The following PLEKHH1 variants were observed in gnomAD, a reference collection of about 807,000 sequenced individuals.
PLEKHH1 encodes pleckstrin homology, MyTH4 and FERM domain containing H1.
Under a neutral mutation model 160.0 loss-of-function variants are expected in PLEKHH1, and 104 were observed. The observed-to-expected ratio is 0.65, with a 90% CI of 0.55 to 0.76. The LOEUF is 0.76. Ranked by LOEUF, PLEKHH1 falls within the 30% of genes least tolerant of loss-of-function variation. The probability of loss-of-function intolerance (pLI) is 0.00; values close to 1 mark genes in which losing one functional copy is unlikely to be tolerated. For synonymous variants in PLEKHH1, 619 were observed against 678.4 expected (o/e 0.91, Z 1.36); for missense variants, 1,427 against 1,724.1 (o/e 0.83, Z 3.05).
chr14:67,557,473 G>C (rs2034642322), intron 4 of PLEKHH1, 55 bp downstream of exon 4: 4 of 1,553,998 alleles, frequency 2.6e-6, no homozygotes, highest in Middle Eastern at 2.3e-4. Context: ...TGTACTGCTG[G>C]CCCCCAGCTT....
chr14:67,545,699 C>T (rs2034149831), intron 2 of PLEKHH1, among the ~76,000 whole-genome samples: 1 of 152,146 alleles, frequency 6.6e-6, no homozygotes, highest in Non-Finnish European at 1.5e-5. Flanking sequence ...TGTATTTGTA[C>T]AGTGGAATAC....
intron 7 of PLEKHH1, among the ~76,000 whole-genome samples, chr14:67,568,871 G>C (rs78155172): frequency 6.6e-6 from 1 of 152,218 alleles, no homozygotes; most frequent in South Asian, 2.1e-4. Flanking sequence ...GAACTGTTGG[G>C]CACTGATTAT....
intron 7 of PLEKHH1, among the ~76,000 whole-genome samples, chr14:67,568,843 G>A (rs904190768): frequency 6.6e-6 from 1 of 152,154 alleles, no homozygotes; most frequent in Non-Finnish European, 1.5e-5. Flanking sequence ...CAAAGGTGAA[G>A]GGTGGAGGCA....
chr14:67,574,204 C>T lies in PLEKHH1; in HGVS notation c.1927-38C>T. On this transcript the variant is annotated intron_variant, in intron 13 of 28. Transcript: ENST00000329153. The surrounding 1 kb of genome is among the most constrained non-coding windows in gnomAD (Gnocchi z 4.2). ...CCAGGTCCTGGTTACTCCATTCTCCCAGCGTGCTGCCCCACCCCCATATCT... is the reference window on the plus strand; with the variant it reads ...CCAGGTCCTGGTTACTCCATTCTCCTAGCGTGCTGCCCCACCCCCATATCT... 1 of 1,533,082 alleles carries T rather than the reference C, an allele frequency of 6.5e-7. No homozygotes were observed. The highest frequency in any genetic ancestry group is 8.8e-7 in the Non-Finnish European group (1 of 1,137,644). The allele number at this position is 1,533,082 out of a possible 1,614,324, so 95.0% of individuals were successfully genotyped here.
In PLEKHH1 at chr14:67,588,043, C is replaced by A. The variant is rs2036247645; in HGVS notation, c.*808C>A. The A allele has an allele frequency of 6.6e-6, 1 of 152,562 alleles. No individual in the cohort carries two copies. The highest frequency in any genetic ancestry group is 2.4e-5 in the African/African-American group (1 of 41,426). 9.5% of individuals were successfully genotyped at this position (152,562 alleles called of 1,614,324 possible). A position where few individuals can be genotyped will look rare whatever the true frequency, so the allele number is the denominator to read the frequency against. On this transcript the variant is annotated 3_prime_UTR_variant, in exon 29 of 29. Coordinates refer to ENST00000329153, the MANE Select transcript of PLEKHH1 (RefSeq NM_020715.3). ...GAAAAAAGAATAGACTCATTTTTCC[C>A]CATTATTGGTATGTAGGCATTGGTA...
intron 8 of PLEKHH1, 199 bp from the exon 9 acceptor site, chr14:67,569,722 G>A (rs2035280165): frequency 1.7e-6 from 1 of 597,976 alleles, no homozygotes; most frequent in Non-Finnish European, 3.0e-6. Context: ...ATTCTTTTGT[G>A]AGGGATCCTT....
chr14:67,541,184 G>T (rs1218992886), intron 1 of PLEKHH1, among the ~76,000 whole-genome samples: 2 of 152,142 alleles, frequency 1.3e-5, no homozygotes, highest in East Asian at 3.8e-4. Flanking sequence ...ATTATATTTT[G>T]TTTCCATTTT....
rs1404393677 is a variant in PLEKHH1 at position 67,546,494 on chromosome 14, G to A, written c.126+4501G>A. On this transcript the variant is annotated intron_variant, in intron 2 of 28. Coordinates refer to ENST00000329153, the MANE Select transcript of PLEKHH1 (RefSeq NM_020715.3). ...CAACCTCCCCATCCTGGGTTCAAGCGATTCTCCTGCCTTAGCCTCCCGAGT... is the reference window on the plus strand; with the variant it reads ...CAACCTCCCCATCCTGGGTTCAAGCAATTCTCCTGCCTTAGCCTCCCGAGT... Among the ~76,000 whole-genome samples, 5 of 152,134 alleles carry A rather than the reference G, an allele frequency of 3.3e-5. No homozygotes were observed. The East Asian group carries it at 9.6e-4, about 29-fold the overall frequency.
At chr14:67,546,596 G>T (rs2034190231) in intron 2 of PLEKHH1, among the ~76,000 whole-genome samples, 1 of 152,174 alleles carries the variant, frequency 6.6e-6, no homozygotes, top group East Asian at 1.9e-4. Context: ...CTCCATTTTG[G>T]TCAGGCTGGT....
At chr14:67,542,520 C>A (rs531097384) in intron 2 of PLEKHH1, among the ~76,000 whole-genome samples, 1 of 152,212 alleles carries the variant, frequency 6.6e-6, no homozygotes, top group African/African-American at 2.4e-5. Context: ...ATGTCTACTT[C>A]TAAGAGTTAT....
chr14:67,542,227 T>A (rs1356505272), intron 2 of PLEKHH1, among the ~76,000 whole-genome samples: 1 of 152,224 alleles, frequency 6.6e-6, no homozygotes, highest in East Asian at 1.9e-4. Flanking sequence ...CTGCCAATCT[T>A]CTCGGTCCCC....
intron 5 of PLEKHH1, 29 bp from the exon 6 acceptor site, chr14:67,561,924 TC>T: frequency 6.7e-7 from 1 of 1,481,822 alleles, no homozygotes; most frequent in South Asian, 1.1e-5. Context: ...AGGCTGGGTG[TC>T]CTAAATCTTC....
intron 9 of PLEKHH1, 23 bp downstream of exon 9, chr14:67,570,035 G>C (rs762844377): frequency 6.8e-7 from 1 of 1,474,006 alleles, no homozygotes; most frequent in East Asian, 2.3e-5. Flanking sequence ...TGCACAAAGA[G>C]GGGGTGTCTC....
rs758205210 is a variant in PLEKHH1 at position 67,582,297 on chromosome 14, C to A, written c.3426+87C>A. 3.8e-6 allele frequency: 6 copies of A among 1,596,720 alleles called. No homozygotes were observed. In the African/African-American group the frequency reaches 8.0e-5, roughly 21 times the overall value. On this transcript the variant is annotated intron_variant, in intron 24 of 28. Transcript: ENST00000329153. The surrounding 1 kb of genome is among the most constrained non-coding windows in gnomAD (Gnocchi z 5.0). ...AGCCTGAAACACAGGAGAGATTCTG[C>A]AGATCCTGTGGTGCTCAGGAGAGGG...
Position 67,582,126 on chromosome 14 carries a change from C to G in PLEKHH1, c.3342C>G (p.Ala1114=). 6.2e-7 allele frequency: 1 copy of G among 1,613,676 alleles called. No homozygotes were observed. The highest frequency in any genetic ancestry group is 1.3e-5 in the African/African-American group (1 of 75,032). The part of the protein sequence containing the change: ...GETDRERLLL[A]SQTSREIVAG... ...CGGACCGAGAACGGCTGCTCCTTGC[C>G]TCTCAAACCAGTAGAGAGATAGTGG... Residue 1114 remains alanine, a synonymous_variant, in exon 24 of 29, where the codon GCC becomes GCG. Transcript: ENST00000329153. This position sits in a 1 kb window ranked among gnomAD's most constrained non-coding sequence, Gnocchi z 5.0.
At chr14:67,560,127 A>G (rs1316854211) in intron 5 of PLEKHH1, among the ~76,000 whole-genome samples, 1 of 152,158 alleles carries the variant, frequency 6.6e-6, no homozygotes, top group Non-Finnish European at 1.5e-5. Context: ...CCCGGGTTCA[A>G]CCGATTCTCG....
In PLEKHH1 at chr14:67,587,474, A is replaced by G. The variant is rs187499522; in HGVS notation, c.*239A>G. ...CATTTATTCCTTTTTTCATAAGAAT[A>G]ATGACTCCAGATGCTACCTGATTCT... On this transcript the variant is annotated 3_prime_UTR_variant, in exon 29 of 29. Coordinates refer to ENST00000329153, the MANE Select transcript of PLEKHH1 (RefSeq NM_020715.3). The G allele has an allele frequency of 2.7e-5, 15 of 550,078 alleles. No homozygotes were observed. The highest frequency in any genetic ancestry group is 2.6e-4 in the African/African-American group (14 of 52,920). 34.1% of individuals were successfully genotyped at this position (550,078 alleles called of 1,614,324 possible). A position where few individuals can be genotyped will look rare whatever the true frequency, so the allele number is the denominator to read the frequency against.
At chr14:67,544,365 G>T (rs1425876728) in intron 2 of PLEKHH1, among the ~76,000 whole-genome samples, 1 of 152,166 alleles carries the variant, frequency 6.6e-6, no homozygotes, top group African/African-American at 2.4e-5. Context: ...CCCCTGGGGA[G>T]CCTGGTAGGG....
Position 67,569,938 on chromosome 14 carries a change from C to G in PLEKHH1, c.1360C>G (p.Leu454Val). ...CTGCTCAGCTTCAAGCCCTCCTGCC[C>G]TTGTTTCCCCTGGGTCTTTCTCTGG... ...TACCASSPPALVSPGSFSGLV... is the reference protein window; with the variant it reads ...TACCASSPPAVVSPGSFSGLV... The change falls in exon 9 of 29, where the codon CTT becomes GTT. Residue 454 changes from leucine to valine, a missense_variant. Leu to Val is a conservative substitution (Grantham distance 32). Transcript: ENST00000329153. 1.2e-6 allele frequency: 2 copies of G among 1,608,964 alleles called. No individual in the cohort carries two copies. The highest frequency in any genetic ancestry group is 1.7e-6 in the Non-Finnish European group (2 of 1,177,132).
Sources: allele counts gnomAD v4.1 joint callset (sites outside exome capture counted in the v4.1 genomes callset), GRCh38; gene constraint gnomAD v4.1.1; non-coding constraint Gnocchi (gnomAD v3.1); transcripts MANE v1.5; gene names NCBI Gene and HGNC (gene_info 2026-07-23, HGNC 2026-07-21).